Variants in PDE1A observed in about 807,000 individuals in gnomAD.
The protein encoded by PDE1A is dual specificity calcium/calmodulin-dependent 3',5'-cyclic nucleotide phosphodiesterase 1A.
PDE1A carries 35 observed loss-of-function variants against 61.7 expected under a neutral mutation model. That is an observed-to-expected ratio of 0.57 (90% CI 0.43 to 0.75). The LOEUF is 0.75. Among genes scored for constraint, PDE1A ranks in the 30% least tolerant of loss-of-function variants. The pLI is 0.00. For synonymous variants in PDE1A, 232 were observed against 213.2 expected (o/e 1.09, Z -0.77); for missense variants, 597 against 630.6 (o/e 0.95, Z 0.57).
intron 2 of PDE1A, among the ~76,000 whole-genome samples, chr2:182,252,601 T>C (rs997573889): frequency 4.6e-5 from 7 of 152,148 alleles, no homozygotes; most frequent in Non-Finnish European, 8.8e-5. Context: ...GCAGGAGAGA[T>C]CTTGAGAAGG....
intron 7 of PDE1A, among the ~76,000 whole-genome samples, chr2:182,212,932 G>A (rs1460598749): frequency 1.3e-5 from 2 of 151,604 alleles, no homozygotes; most frequent in Non-Finnish European, 2.9e-5. Flanking sequence ...AAGGAGGCCT[G>A]CCTGCCTCTG....
At chr2:182,445,871 T>C (rs1380913708) in intron 2 of PDE1A, among the ~76,000 whole-genome samples, 28 of 152,110 alleles carry the variant, frequency 1.8e-4, no homozygotes, top group Non-Finnish European at 2.2e-4. Context: ...ACATTTAAAA[T>C]TATTTTTCAT....
exon 2 of PDE1A, chr2:182,264,357 CTTT>C (rs765028445): frequency 4.3e-6 from 7 of 1,613,640 alleles, no homozygotes; most frequent in African/African-American, 1.3e-5. Context: ...CAATATTCTT[CTTT>C]AAGTCGACGA....
the PDE1A span, among the ~76,000 whole-genome samples, chr2:182,618,313 T>C: frequency 2.0e-5 from 3 of 152,244 alleles, no homozygotes; most frequent in African/African-American, 7.2e-5. Flanking sequence ...TAACCTATTA[T>C]AATACTCCAT....
chr2:182,233,733 T>A (rs1374866467), intron 4 of PDE1A, among the ~76,000 whole-genome samples: 1 of 151,044 alleles, frequency 6.6e-6, no homozygotes, highest in African/African-American at 2.4e-5. Flanking sequence ...GCCTACAAAA[T>A]GCCTCTGTAG....
chr2:182,558,537 A>G, the PDE1A span, among the ~76,000 whole-genome samples: 1 of 152,216 alleles, frequency 6.6e-6, no homozygotes, highest in South Asian at 2.1e-4. Flanking sequence ...ATGTAAAACC[A>G]GGACTGCTAC....
chr2:182,643,321 C>T, the PDE1A span, among the ~76,000 whole-genome samples: 9,272 of 152,218 alleles, frequency 0.061, 370 homozygotes, highest in Middle Eastern at 0.13. Flanking sequence ...TTGCCTGGTA[C>T]GGCACAGGTA....
At chr2:182,498,165 G>A (rs1688838622) in intron 2 of PDE1A, among the ~76,000 whole-genome samples, 2 of 151,790 alleles carry the variant, frequency 1.3e-5, no homozygotes, top group Admixed American at 1.3e-4. Context: ...ATGCGAGAAG[G>A]CAGCCAAGAA....
chr2:182,446,579 G>C (rs1328783138), intron 2 of PDE1A, among the ~76,000 whole-genome samples: 1 of 152,108 alleles, frequency 6.6e-6, no homozygotes, highest in East Asian at 1.9e-4. Flanking sequence ...GAAGCAAAGA[G>C]CATGTATTCA....
the PDE1A span, among the ~76,000 whole-genome samples, chr2:182,694,565 G>C: frequency 6.6e-6 from 1 of 152,212 alleles, no homozygotes; most frequent in South Asian, 2.1e-4. Flanking sequence ...GATCCATGAA[G>C]AGATCTCTTC....
At chr2:182,689,878 A>C in the PDE1A span, among the ~76,000 whole-genome samples, 3 of 152,224 alleles carry the variant, frequency 2.0e-5, no homozygotes, top group Admixed American at 6.5e-5. Context: ...AATACAAACT[A>C]CCATCAGAGA....
chr2:182,460,291 T>G lies in PDE1A; in HGVS notation c.101+61985A>C, dbSNP rs907089165. On this transcript the variant is annotated intron_variant, in intron 2 of 14. Coordinates refer to the PDE1A transcript ENST00000410103. ...AGCCTCTTCGGTGACAGGTGCACAT[T>G]CAACCCTCAAGACAGGTCAAGCCTC... Among the ~76,000 whole-genome samples, 4 of 152,166 alleles carry G rather than the reference T, an allele frequency of 2.6e-5. No individual in the cohort carries two copies. The East Asian group carries it at 7.7e-4, about 29-fold the overall frequency.
intron 2 of PDE1A, among the ~76,000 whole-genome samples, chr2:182,475,353 A>AAAAGT (rs1687288134): frequency 6.6e-6 from 1 of 151,924 alleles, no homozygotes; most frequent in Non-Finnish European, 1.5e-5. Flanking sequence ...ACAGGTTAAG[A>AAAAGT]AAAGTGAAGA....
At chr2:182,633,552 G>A in the PDE1A span, among the ~76,000 whole-genome samples, 1 of 152,172 alleles carries the variant, frequency 6.6e-6, no homozygotes, top group Non-Finnish European at 1.5e-5. Flanking sequence ...GGGGAAGGAG[G>A]AGCGTTGTTA....
intron 1 of PDE1A, among the ~76,000 whole-genome samples, chr2:182,283,404 T>TACAC (rs576318364): frequency 4.0e-5 from 6 of 148,612 alleles, no homozygotes; most frequent in Non-Finnish European, 9.0e-5. Flanking sequence ...GTACCTGAGT[T>TACAC]ACACACACAC....
chr2:182,286,867 C>T (rs535148857), intron 1 of PDE1A, among the ~76,000 whole-genome samples: 14 of 152,234 alleles, frequency 9.2e-5, no homozygotes, highest in Non-Finnish European at 1.5e-4. Flanking sequence ...CCAGTTCCCT[C>T]AGTGGCCTCC....
chr2:182,583,348 T>C, the PDE1A span, among the ~76,000 whole-genome samples: 3 of 152,292 alleles, frequency 2.0e-5, no homozygotes, highest in Middle Eastern at 3.4e-3. Flanking sequence ...TATAAAGATA[T>C]AGTAGAAATC....
chr2:182,161,365 A>C (rs942463715), intron 13 of PDE1A, among the ~76,000 whole-genome samples: 2 of 151,416 alleles, frequency 1.3e-5, no homozygotes, highest in Non-Finnish European at 2.9e-5. Flanking sequence ...AAAAAAATGG[A>C]ATTATCTAAA....
chr2:182,702,177 C>G, the PDE1A span, among the ~76,000 whole-genome samples: 1 of 152,188 alleles, frequency 6.6e-6, no homozygotes, highest in Admixed American at 6.5e-5. Flanking sequence ...GCTCTTGACT[C>G]ACTGCAACCT....
Sources: allele counts gnomAD v4.1 joint callset (sites outside exome capture counted in the v4.1 genomes callset), GRCh38; gene constraint gnomAD v4.1.1; transcripts MANE v1.5; gene names NCBI Gene and HGNC (gene_info 2026-07-23, HGNC 2026-07-21).